Variants in KIF16B observed in about 807,000 individuals in gnomAD.
KIF16B encodes kinesin-like protein KIF16B.
In KIF16B, 98 loss-of-function variants were observed where a neutral mutation model predicts 156.3. The ratio of observed to expected loss-of-function variants is 0.63; its 90% CI spans 0.53 to 0.74. The LOEUF (loss-of-function observed/expected upper bound fraction) is 0.74. Ranked by LOEUF, KIF16B falls within the 30% of genes least tolerant of loss-of-function variation. KIF16B has a pLI of 0.00. For synonymous variants in KIF16B, 564 were observed against 583.7 expected (o/e 0.97, Z 0.49); for missense variants, 1,421 against 1,606.5 (o/e 0.88, Z 1.97).
chr20:16,573,004 T>A (rs2071510833), intron 1 of KIF16B, among the ~76,000 whole-genome samples: 1 of 151,824 alleles, frequency 6.6e-6, no homozygotes, highest in South Asian at 2.1e-4. Flanking sequence ...ATGGAGAGAG[T>A]TAATAGAATC....
chr20:16,500,199 T>C (rs1470981068), intron 10 of KIF16B, among the ~76,000 whole-genome samples: 1 of 152,248 alleles, frequency 6.6e-6, no homozygotes, highest in Admixed American at 6.5e-5. Flanking sequence ...TGTATACGTA[T>C]ACCCATTTCA....
intron 12 of KIF16B, among the ~76,000 whole-genome samples, chr20:16,482,166 T>C (rs2068000527): frequency 6.6e-6 from 1 of 152,120 alleles, no homozygotes; most frequent in Admixed American, 6.5e-5. Context: ...CTTATTCTTT[T>C]GTCAGTAGAT....
In KIF16B at chr20:16,562,275, T is replaced by C. The variant is rs527373374; in HGVS notation, c.47+10954A>G. On this transcript the variant is annotated intron_variant, in intron 1 of 25. Coordinates refer to ENST00000354981, the MANE Select transcript of KIF16B (RefSeq NM_024704.5). The stretch of plus-strand genomic sequence containing the variant: ...GTGCTGTACCTCCAACTCTCTAACC[T>C]TAAGGGATAAACATAATGTGCATTG... Among the ~76,000 whole-genome samples, 48 of 152,326 alleles carry C rather than the reference T, an allele frequency of 3.2e-4. No individual in the cohort carries two copies. In the East Asian group the frequency reaches 4.8e-3, roughly 15 times the overall value.
chr20:16,345,441 G>A (rs2064214558), intron 23 of KIF16B, among the ~76,000 whole-genome samples: 1 of 152,194 alleles, frequency 6.6e-6, no homozygotes, highest in African/African-American at 2.4e-5. Context: ...TGAAGTGTGG[G>A]CAACAGTGTG....
At chr20:16,555,502 C>T (rs899665548) in intron 1 of KIF16B, among the ~76,000 whole-genome samples, 3 of 148,368 alleles carry the variant, frequency 2.0e-5, no homozygotes, top group African/African-American at 5.0e-5. Flanking sequence ...CTGACTTAAT[C>T]AAGCCATAGA....
At chr20:16,297,916 C>G (rs747880030) in intron 25 of KIF16B, among the ~76,000 whole-genome samples, 1 of 152,150 alleles carries the variant, frequency 6.6e-6, no homozygotes, top group Non-Finnish European at 1.5e-5. Context: ...CTAGTCACTG[C>G]TCTTCCTGCC....
chr20:16,442,715 T>TTC (rs1467319867), intron 12 of KIF16B, among the ~76,000 whole-genome samples: 2 of 152,164 alleles, frequency 1.3e-5, no homozygotes, highest in Admixed American at 1.3e-4. Context: ...AAATGAGGTC[T>TTC]TCTCTAACAG....
At chr20:16,479,607 A>T (rs754844329) in intron 12 of KIF16B, among the ~76,000 whole-genome samples, 1 of 152,198 alleles carries the variant, frequency 6.6e-6, no homozygotes, top group Non-Finnish European at 1.5e-5. Flanking sequence ...TGGACCACAC[A>T]TGCAATGGTG....
At chr20:16,446,932 C>T (rs766893530) in intron 12 of KIF16B, among the ~76,000 whole-genome samples, 4 of 152,166 alleles carry the variant, frequency 2.6e-5, no homozygotes, top group Non-Finnish European at 4.4e-5. Context: ...AATAAATTCA[C>T]CCATATTCAC....
At chr20:16,354,072 A>G (rs1464302867) in intron 23 of KIF16B, among the ~76,000 whole-genome samples, 4 of 152,130 alleles carry the variant, frequency 2.6e-5, no homozygotes, top group Non-Finnish European at 4.4e-5. Context: ...GCCTCATAGA[A>G]TTTTCTGTAT....
chr20:16,367,543 T>G, intron 22 of KIF16B: 2 of 1,612,912 alleles, frequency 1.2e-6, no homozygotes, highest in Non-Finnish European at 1.7e-6. Flanking sequence ...GCACTGGTCA[T>G]GGCCAGAGTC....
intron 23 of KIF16B, among the ~76,000 whole-genome samples, chr20:16,343,049 CA>C (rs1021740724): frequency 6.6e-6 from 1 of 152,136 alleles, no homozygotes; most frequent in Admixed American, 6.6e-5. Context: ...AACAGAAGAT[CA>C]GTACAACAAA....
chr20:16,279,556 T>C (rs2063115310), intron 25 of KIF16B, among the ~76,000 whole-genome samples: 1 of 152,228 alleles, frequency 6.6e-6, no homozygotes, highest in Non-Finnish European at 1.5e-5. Context: ...AGAAGAAACC[T>C]TCCTTGTAGA....
chr20:16,487,900 CATTA>C (rs1165508448), intron 12 of KIF16B, among the ~76,000 whole-genome samples: 1 of 152,194 alleles, frequency 6.6e-6, no homozygotes, highest in African/African-American at 2.4e-5. Context: ...TTTCGACAAA[CATTA>C]ATTGTTAAGT....
At chr20:16,411,435 T>C (rs1306771126) in intron 15 of KIF16B, among the ~76,000 whole-genome samples, 2 of 152,148 alleles carry the variant, frequency 1.3e-5, no homozygotes, top group Non-Finnish European at 2.9e-5. Context: ...ACCACCATCC[T>C]GTTTCTCTAA....
chr20:16,407,260 C>G (rs1419646679), intron 15 of KIF16B, among the ~76,000 whole-genome samples: 1 of 152,146 alleles, frequency 6.6e-6, no homozygotes, highest in Non-Finnish European at 1.5e-5. Flanking sequence ...TCACCAGAGG[C>G]ATGTAAGAGA....
At position 16,451,397 on chromosome 20, in the gene KIF16B, A is replaced by G. The variant is rs190802228; in HGVS notation, c.1303-21415T>C. Among the ~76,000 whole-genome samples, 81 of 152,316 alleles carry G rather than the reference A, an allele frequency of 5.3e-4. No individual in the cohort carries two copies. In the East Asian group the frequency reaches 0.015, roughly 29 times the overall value. ...AAGCATACAGAACTACACTTCTCTT[A>G]GTATTTAAATTTTCACTAATGGTGA... On this transcript the variant is annotated intron_variant, in intron 12 of 25. Coordinates refer to ENST00000354981, the MANE Select transcript of KIF16B (RefSeq NM_024704.5).
At chr20:16,338,929 C>G (rs1370497414) in intron 23 of KIF16B, among the ~76,000 whole-genome samples, 1 of 152,072 alleles carries the variant, frequency 6.6e-6, no homozygotes, top group Non-Finnish European at 1.5e-5. Context: ...AACAAAATTC[C>G]AGGGAATAAT....
intron 12 of KIF16B, among the ~76,000 whole-genome samples, chr20:16,454,663 G>C (rs1238455974): frequency 6.6e-6 from 1 of 151,806 alleles, no homozygotes; most frequent in African/African-American, 2.4e-5. Flanking sequence ...CTCAAATGCT[G>C]TTATTAAGGA....
Sources: gnomAD v4.1 joint callset for allele counts (sites outside exome capture counted in the v4.1 genomes callset) on GRCh38, gnomAD v4.1.1 for gene constraint, MANE v1.5 for transcripts, NCBI Gene and HGNC (gene_info 2026-07-23, HGNC 2026-07-21) for gene names.